PXDNL: variants seen among roughly 807,000 people sequenced by gnomAD.
PXDNL encodes peroxidasin like.
Under a neutral mutation model 150.8 loss-of-function variants are expected in PXDNL, and 145 were observed. The observed-to-expected ratio is 0.96, with a 90% CI of 0.84 to 1.10. PXDNL has a LOEUF of 1.10. Among genes scored for constraint, PXDNL ranks in the 50% least tolerant of loss-of-function variants. The pLI, the probability that PXDNL is intolerant of heterozygous loss-of-function variation, is 0.00. For synonymous variants in PXDNL, 757 were observed against 725.7 expected, an observed-to-expected ratio of 1.04 and a Z score of -0.69; for missense variants, 2,087 against 1,873.9, an observed-to-expected ratio of 1.11 and a Z score of -2.10.
chr8:51,595,134 A>C (rs1448136143), intron 2 of PXDNL, among the ~76,000 whole-genome samples: 1 of 152,218 alleles, frequency 6.6e-6, no homozygotes, highest in African/African-American at 2.4e-5. Context: ...ATCTGAATAT[A>C]CTGATGATCA....
At chr8:51,413,454 T>C (rs1320922468) in intron 14 of PXDNL, among the ~76,000 whole-genome samples, 196 bp from the exon 15 acceptor site, 1 of 152,192 alleles carries the variant, frequency 6.6e-6, no homozygotes, top group Non-Finnish European at 1.5e-5. Context: ...CAAGGCTTCA[T>C]CTAACAATAA....
At chr8:51,658,767 C>T (rs747000446) in intron 1 of PXDNL, among the ~76,000 whole-genome samples, 6 of 152,138 alleles carry the variant, frequency 3.9e-5, no homozygotes, top group Non-Finnish European at 7.3e-5. Flanking sequence ...TTAAAACTTC[C>T]CTTTTCCCTT....
At chr8:51,497,935 A>T (rs1182170801) in intron 5 of PXDNL, among the ~76,000 whole-genome samples, 3 of 152,212 alleles carry the variant, frequency 2.0e-5, no homozygotes, top group Non-Finnish European at 2.9e-5. Flanking sequence ...TACTGGGTAT[A>T]TACCCAAAGG....
At chr8:51,533,069 C>G (rs1811940591) in intron 4 of PXDNL, among the ~76,000 whole-genome samples, 1 of 152,170 alleles carries the variant, frequency 6.6e-6, no homozygotes, top group African/African-American at 2.4e-5. Context: ...GAAACATGGC[C>G]CCATACTACA....
intron 19 of PXDNL, among the ~76,000 whole-genome samples, chr8:51,352,466 G>A (rs1329452892): frequency 6.6e-6 from 1 of 152,116 alleles, no homozygotes; most frequent in Non-Finnish European, 1.5e-5. Context: ...GGGACCTGGT[G>A]GGAGGTGATT....
At chr8:51,569,904 T>C (rs1013773626) in intron 3 of PXDNL, among the ~76,000 whole-genome samples, 1 of 151,918 alleles carries the variant, frequency 6.6e-6, no homozygotes, top group Non-Finnish European at 1.5e-5. Context: ...AGAGTTAAAA[T>C]TTTTTCTCAG....
rs569670217 is a variant in PXDNL at position 51,542,994 on chromosome 8, A to T, written c.380+13846T>A. On this transcript the variant is annotated intron_variant, in intron 4 of 22. Coordinates refer to ENST00000356297, the MANE Select transcript of PXDNL (RefSeq NM_144651.5). ...TAATTGCTGAAATAATAATAACAAA[A>T]TAATTAATATGGTAACAAAGAAAAT... is the stretch of plus-strand genomic sequence containing the variant. Among the ~76,000 whole-genome samples, 14 of 152,172 alleles carry T rather than the reference A, an allele frequency of 9.2e-5. No homozygotes were observed. In the East Asian group the frequency reaches 2.7e-3, roughly 29 times the overall value.
At chr8:51,327,578 A>G (rs900642566) in intron 21 of PXDNL, among the ~76,000 whole-genome samples, 6 of 152,220 alleles carry the variant, frequency 3.9e-5, no homozygotes, top group Admixed American at 2.0e-4. Flanking sequence ...GTAAAGTTCA[A>G]TACTTTTGCT....
At chr8:51,614,907 T>A (rs986167802) in intron 2 of PXDNL, among the ~76,000 whole-genome samples, 1 of 152,188 alleles carries the variant, frequency 6.6e-6, no homozygotes, top group Non-Finnish European at 1.5e-5. Context: ...TAGAAGTAAG[T>A]ATATAAGCAA....
chr8:51,482,231 T>C (rs1236278594), intron 6 of PXDNL, among the ~76,000 whole-genome samples: 1 of 152,220 alleles, frequency 6.6e-6, no homozygotes, highest in Non-Finnish European at 1.5e-5. Flanking sequence ...GAGATCATTT[T>C]GGAGCTTTAA....
intron 17 of PXDNL, among the ~76,000 whole-genome samples, chr8:51,386,824 GA>G (rs561391223): frequency 1.2e-3 from 166 of 134,244 alleles, no homozygotes; most frequent in Middle Eastern, 3.9e-3. Flanking sequence ...ACTTCATCTT[GA>G]AAAAAAAAAA....
chr8:51,718,146 G>A (rs1430585824), intron 1 of PXDNL, among the ~76,000 whole-genome samples: 2 of 152,112 alleles, frequency 1.3e-5, no homozygotes, highest in African/African-American at 4.8e-5. Flanking sequence ...TAGGAGCATG[G>A]GCAAGTACAC....
At chr8:51,795,619 C>A (rs939880072) in intron 1 of PXDNL, among the ~76,000 whole-genome samples, 2 of 152,134 alleles carry the variant, frequency 1.3e-5, no homozygotes, top group African/African-American at 4.8e-5. Flanking sequence ...AGACAATGTA[C>A]CACAATCTCT....
intron 17 of PXDNL, among the ~76,000 whole-genome samples, chr8:51,400,735 G>A (rs1245075630): frequency 6.6e-6 from 1 of 152,114 alleles, no homozygotes; most frequent in Non-Finnish European, 1.5e-5. Context: ...TTTTGAAATT[G>A]GGGTTAAGGT....
chr8:51,648,088 G>T lies in PXDNL; in HGVS notation c.236+6601C>A, dbSNP rs186084108. ...CTTCTTTTTGCAACTCAAAAGTAGG[G>T]TGTCTAAATATATGTCACTCTTACA... is the stretch of plus-strand genomic sequence containing the variant. On this transcript the variant is annotated intron_variant, in intron 2 of 22. Transcript: ENST00000356297. Among the ~76,000 whole-genome samples, 86 of 152,188 alleles carry T rather than the reference G, an allele frequency of 5.7e-4. 2 individuals are homozygous for T. The highest frequency in any genetic ancestry group is 2.1e-3 in the African/African-American group (86 of 41,524).
At chr8:51,495,493 CT>C (rs1811024303) in intron 5 of PXDNL, among the ~76,000 whole-genome samples, 1 of 152,134 alleles carries the variant, frequency 6.6e-6, no homozygotes, top group Admixed American at 6.5e-5. Context: ...AATCCAGGAG[CT>C]GGTTTTTGAA....
In PXDNL at chr8:51,402,611, C is replaced by A. The variant is rs546880154; in HGVS notation, c.3557+5456G>T. On this transcript the variant is annotated intron_variant, in intron 17 of 22. Coordinates refer to ENST00000356297, the MANE Select transcript of PXDNL (RefSeq NM_144651.5). ...ATACTTACTCAAAACCAAAAGTAAC[C>A]GTATCCACAAAAAATTACACACAGT... is the stretch of plus-strand genomic sequence containing the variant. Among the ~76,000 whole-genome samples the A allele has an allele frequency of 2.6e-5, 4 of 152,152 alleles. No individual in the cohort carries two copies. In the East Asian group the frequency reaches 5.8e-4, roughly 22 times the overall value.
At chr8:51,539,938 CTT>C (rs61652546) in intron 4 of PXDNL, among the ~76,000 whole-genome samples, 36 of 145,038 alleles carry the variant, frequency 2.5e-4, no homozygotes, top group Admixed American at 8.2e-4. Flanking sequence ...TATCTACTAC[CTT>C]TTTTTTTTTT....
In PXDNL at chr8:51,409,379, A is replaced by T. The variant is rs941765806; in HGVS notation, c.2245T>A (p.Phe749Ile). The T allele has an allele frequency of 6.9e-6, 11 of 1,584,388 alleles. No homozygotes were observed. The African/African-American group carries it at 1.5e-4, about 22-fold the overall frequency. ...TAGGCTGGCTGCAGCAGGCGCGCGA[A>T]GGCGGTCAGCGCCGCGCCCCACGTG... is the stretch of plus-strand genomic sequence containing the variant. The part of the protein sequence containing the change: ...QPTWGAALTA[F>I]ARLLQPAYRD... The change falls in exon 17 of 23, where the codon TTC becomes ATC. Residue 749 changes from phenylalanine (F) to isoleucine (I), a missense_variant. Coordinates refer to ENST00000356297, the MANE Select transcript of PXDNL (RefSeq NM_144651.5).
Sources: allele counts gnomAD v4.1 joint callset (sites outside exome capture counted in the v4.1 genomes callset), GRCh38; gene constraint gnomAD v4.1.1; transcripts MANE v1.5; gene names NCBI Gene and HGNC (gene_info 2026-07-23, HGNC 2026-07-21).